The following CTBP1 variants were observed in gnomAD, a reference collection of about 807,000 sequenced individuals.
CTBP1 encodes the protein C-terminal-binding protein 1.
In CTBP1, 11 loss-of-function variants were observed where a neutral mutation model predicts 42.1. The observed-to-expected ratio is 0.26, with a 90% CI of 0.16 to 0.43. The LOEUF (loss-of-function observed/expected upper bound fraction) is 0.43. CTBP1 is among the 20% of genes least tolerant of loss of function. The pLI, the probability that CTBP1 is intolerant of heterozygous loss-of-function variation, is 1.00. For missense variants in CTBP1, 399 were observed against 624.3 expected, an observed-to-expected ratio of 0.64 and a Z score of 3.85; for synonymous variants, 324 against 277.1, an observed-to-expected ratio of 1.17 and a Z score of -1.68.
chr4:1,245,414 C>T, intron 1 of CTBP1: 1 of 985,424 alleles, frequency 1.0e-6, no homozygotes, highest in South Asian at 4.7e-5. Flanking sequence ...GGTATCAGGG[C>T]TACACCTTCC....
At chr4:1,239,266 C>T (rs1381445895) in intron 2 of CTBP1, among the ~76,000 whole-genome samples, 1 of 152,234 alleles carries the variant, frequency 6.6e-6, no homozygotes, top group Non-Finnish European at 1.5e-5. Flanking sequence ...CCGTGCCAGG[C>T]AGGGAGCACC....
intron 9 of CTBP1, 178 bp from the exon 10 acceptor site, chr4:1,212,601 G>A (rs556040480): frequency 1.6e-4 from 107 of 648,588 alleles, no homozygotes; most frequent in Non-Finnish European, 1.9e-4. Flanking sequence ...CAGGGCTGGG[G>A]AGGGGAGCCC....
intron 6 of CTBP1, among the ~76,000 whole-genome samples, 199 bp from the exon 7 acceptor site, chr4:1,214,672 C>T (rs1472920733): frequency 6.6e-6 from 1 of 152,262 alleles, no homozygotes; most frequent in Non-Finnish European, 1.5e-5. Context: ...GGCTGAGGAT[C>T]TGCCCTGTAT....
Position 1,222,414 on chromosome 4 carries a change from C to T in CTBP1, c.514+2946G>A, listed in dbSNP as rs115566679. On this transcript the variant is annotated intron_variant, in intron 5 of 9. Transcript: ENST00000382952. Reference sequence around the variant, plus strand: ...ACAAGATCACCACAGACAGAGGGGCCCGCGCCGAGAGCGAGGGAAGCAGCT... The same window carrying T: ...ACAAGATCACCACAGACAGAGGGGCTCGCGCCGAGAGCGAGGGAAGCAGCT... Among the ~76,000 whole-genome samples the T allele has an allele frequency of 4.2e-3, 643 of 152,238 alleles. 3 individuals carry two copies. The highest frequency in any genetic ancestry group is 0.014 in the African/African-American group (589 of 41,540).
intron 6 of CTBP1, 51 bp from the exon 7 acceptor site, chr4:1,214,524 G>T: frequency 6.6e-7 from 1 of 1,512,896 alleles, no homozygotes; most frequent in Non-Finnish European, 8.8e-7. Context: ...GCACAGGGCG[G>T]GCAGCCAGGG....
At chr4:1,244,199 G>C in intron 1 of CTBP1, 1 of 985,132 alleles carries the variant, frequency 1.0e-6, no homozygotes, top group Non-Finnish European at 1.2e-6. Context: ...CCTCCCTCCT[G>C]TTGGCCACGC....
intron 1 of CTBP1, among the ~76,000 whole-genome samples, chr4:1,245,943 C>T (rs1205783913): frequency 6.6e-6 from 1 of 152,230 alleles, no homozygotes; most frequent in East Asian, 1.9e-4. Flanking sequence ...CCCGTGAGAA[C>T]TGGTACCACC....
At chr4:1,247,376 G>C (rs935366320) in intron 1 of CTBP1, among the ~76,000 whole-genome samples, 2 of 152,112 alleles carry the variant, frequency 1.3e-5, no homozygotes, top group African/African-American at 4.8e-5. Flanking sequence ...CAGAATCACA[G>C]AGAGCAAAAG....
rs1577014558 is a variant in CTBP1 at position 1,214,355 on chromosome 4, G to A, written c.848C>T (p.Ser283Leu). The A allele has an allele frequency of 1.3e-6, 2 of 1,566,670 alleles. No homozygotes were observed. Among genetic ancestry groups the A allele is most frequent in the Non-Finnish European group, 8.6e-7 (1 of 1,162,538 alleles). Residue 283 changes from serine to leucine, a missense_variant, in exon 7 of 10, where the codon TCG becomes TTG. Physicochemically the swap from Ser to Leu is moderately radical, Grantham distance 145. Coordinates refer to ENST00000382952, the MANE Select transcript of CTBP1 (RefSeq NM_001012614.2). ...IRGAALDVHESEPFSFSQGPL... is the reference protein window; with the variant it reads ...IRGAALDVHELEPFSFSQGPL... ...GCCGTGGGGGCACCTGAAGGGTTCC[G>A]ACTCGTGCACATCCAGGGCCGCGCC...
upstream of CTBP1, chr4:1,250,115 C>G (rs911825712): frequency 2.5e-5 from 4 of 163,002 alleles, no homozygotes; most frequent in African/African-American, 9.6e-5. Flanking sequence ...TTTCAGAAAC[C>G]ACGGCATGGA....
chr4:1,249,772 G>T, upstream of CTBP1: 1 of 321,182 alleles, frequency 3.1e-6, no homozygotes, highest in Non-Finnish European at 6.4e-6. Flanking sequence ...GAAGTTCAGG[G>T]CTGGAGAACC....
At chr4:1,245,899 C>A (rs1323041177) in intron 1 of CTBP1, among the ~76,000 whole-genome samples, 2 of 152,180 alleles carry the variant, frequency 1.3e-5, no homozygotes, top group Non-Finnish European at 2.9e-5. Flanking sequence ...ACCAACTGGG[C>A]TTCCCTCAGG....
At chr4:1,247,225 G>A (rs910980698) in intron 1 of CTBP1, among the ~76,000 whole-genome samples, 4 of 152,228 alleles carry the variant, frequency 2.6e-5, no homozygotes, top group African/African-American at 4.8e-5. Flanking sequence ...TGCATGTTGG[G>A]GACATGGCAG....
chr4:1,248,950 GC>G lies in CTBP1; in HGVS notation c.-224del. 1 of 1,007,840 alleles carries G rather than the reference GC, an allele frequency of 9.9e-7. No individual in the cohort carries two copies. The highest frequency in any genetic ancestry group is 3.2e-5 in the South Asian group (1 of 31,152). 62.4% of individuals were successfully genotyped at this position (1,007,840 alleles called of 1,614,324 possible). Reference sequence around the variant, plus strand: ...GGCCCTTGTTGAGCAAGTGCGAGCTGCCCATCGAGAGGCGCGAGCGGCCGCG... The same window carrying G: ...GGCCCTTGTTGAGCAAGTGCGAGCTGCCATCGAGAGGCGCGAGCGGCCGCG... On this transcript the variant is annotated 5_prime_UTR_variant, in exon 1 of 10. The change creates a premature stop within an existing upstream ORF in the 5' untranslated region. Coordinates refer to ENST00000382952, the MANE Select transcript of CTBP1 (RefSeq NM_001012614.2).
intron 1 of CTBP1, chr4:1,242,948 A>G (rs1162421532): frequency 1.0e-6 from 1 of 984,644 alleles, no homozygotes; most frequent in Non-Finnish European, 1.2e-6. Flanking sequence ...GATACTCATC[A>G]ATGCCAGCCG....
At chr4:1,246,942 G>A (rs1732782099) in intron 1 of CTBP1, among the ~76,000 whole-genome samples, 1 of 152,226 alleles carries the variant, frequency 6.6e-6, no homozygotes, top group Non-Finnish European at 1.5e-5. Flanking sequence ...AGGCAGACAG[G>A]ACGAGCCAGC....
intron 1 of CTBP1, chr4:1,243,847 G>A (rs966282023): frequency 1.4e-5 from 14 of 985,274 alleles, no homozygotes; most frequent in South Asian, 1.4e-4. Context: ...ACTCACAGCC[G>A]CACACGGCTC....
intron 3 of CTBP1, among the ~76,000 whole-genome samples, chr4:1,232,721 T>C (rs1007230953): frequency 6.6e-6 from 1 of 152,222 alleles, no homozygotes; most frequent in African/African-American, 2.4e-5. Context: ...TAACCTCAGG[T>C]AATAAACACA....
intron 2 of CTBP1, among the ~76,000 whole-genome samples, chr4:1,240,063 T>C (rs1340419463): frequency 3.3e-5 from 5 of 152,262 alleles, no homozygotes; most frequent in African/African-American, 1.2e-4. Context: ...ATTTCACTTC[T>C]GATGAGGAAG....
Sources: gnomAD v4.1 joint callset for allele counts (sites outside exome capture counted in the v4.1 genomes callset) on GRCh38, gnomAD v4.1.1 for gene constraint, MANE v1.5 for transcripts, NCBI Gene and HGNC (gene_info 2026-07-23, HGNC 2026-07-21) for gene names.